The following EML4 variants were observed in gnomAD, a reference collection of about 807,000 sequenced individuals.
The protein encoded by EML4 is echinoderm microtubule-associated protein-like 4.
EML4 carries 72 observed loss-of-function variants against 129.0 expected under a neutral mutation model. The ratio of observed to expected loss-of-function variants is 0.56; its 90% CI spans 0.46 to 0.68. The LOEUF (loss-of-function observed/expected upper bound fraction) is 0.68, where lower values mean the gene tolerates loss of function less well. EML4 is among the 30% of genes least tolerant of loss of function. EML4 has a pLI of 0.00. For synonymous variants in EML4, 532 were observed against 405.0 expected (o/e 1.31, Z -3.77); for missense variants, 1,363 against 1,190.6 (o/e 1.14, Z -2.13).
intron 1 of EML4, among the ~76,000 whole-genome samples, chr2:42,175,217 A>G (rs944370817): frequency 3.3e-5 from 5 of 151,504 alleles, no homozygotes; most frequent in Non-Finnish European, 5.9e-5. Context: ...TGTTCAAGCT[A>G]TTCTCCTGCC....
chr2:42,246,110 G>C (rs1675385960), intron 2 of EML4, among the ~76,000 whole-genome samples: 1 of 152,148 alleles, frequency 6.6e-6, no homozygotes, highest in South Asian at 2.1e-4. Flanking sequence ...TGAACCCTCT[G>C]TGGTTGTTAG....
intron 17 of EML4, among the ~76,000 whole-genome samples, chr2:42,305,882 AG>A (rs35548951): frequency 0.44 from 67,624 of 152,016 alleles, 15,614 homozygotes; most frequent in East Asian, 0.73. Flanking sequence ...AGTCATTTAG[AG>A]GGGGTTTTTT....
intron 6 of EML4, among the ~76,000 whole-genome samples, chr2:42,276,717 A>G (rs1666678865): frequency 6.6e-6 from 1 of 152,226 alleles, no homozygotes; most frequent in South Asian, 2.1e-4. Flanking sequence ...TTATCACTTT[A>G]TGTATTGAGA....
In EML4 at chr2:42,228,239, C is replaced by G. The variant is rs531775059; in HGVS notation, c.26-17266C>G. On this transcript the variant is annotated intron_variant, in intron 1 of 22. Coordinates refer to ENST00000318522, the MANE Select transcript of EML4 (RefSeq NM_019063.5). ...CTGTCTCAAAAAAAAAAAAAGTATA[C>G]ATGGATTTATATACTTGAAAATTGC... Among the ~76,000 whole-genome samples the G allele has an allele frequency of 6.7e-4, 101 of 150,890 alleles. 2 individuals are homozygous for G. In the South Asian group the frequency reaches 0.02, roughly 30 times the overall value.
chr2:42,302,591 T>C (rs1452994701), intron 14 of EML4, among the ~76,000 whole-genome samples: 2 of 151,758 alleles, frequency 1.3e-5, no homozygotes, highest in African/African-American at 2.4e-5. Flanking sequence ...TGGAATACAG[T>C]GGCCCAGTCT....
At chr2:42,316,513 GTTAA>G (rs1669252419) in intron 18 of EML4, among the ~76,000 whole-genome samples, 1 of 152,166 alleles carries the variant, frequency 6.6e-6, no homozygotes, top group Non-Finnish European at 1.5e-5. Context: ...TGATTGGTTT[GTTAA>G]TTAAATACTT....
chr2:42,303,828 G>A (rs1558593867), intron 16 of EML4, among the ~76,000 whole-genome samples: 1 of 152,234 alleles, frequency 6.6e-6, no homozygotes, highest in Non-Finnish European at 1.5e-5. Context: ...GAGAGGCTGA[G>A]GCAGGAGAAT....
chr2:42,313,976 G>A (rs1572743726), intron 17 of EML4, among the ~76,000 whole-genome samples: 1 of 151,712 alleles, frequency 6.6e-6, no homozygotes, highest in Non-Finnish European at 1.5e-5. Context: ...CTTTTTATTG[G>A]CTTACATTAG....
chr2:42,282,728 C>G, intron 7 of EML4, 95 bp from the exon 8 acceptor site: 1 of 1,112,116 alleles, frequency 9.0e-7, no homozygotes, highest in Non-Finnish European at 1.3e-6. Context: ...CAGTCTTCTT[C>G]ATTGTACCTT....
chr2:42,306,459 G>A (rs551333758), intron 17 of EML4, among the ~76,000 whole-genome samples: 5 of 141,434 alleles, frequency 3.5e-5, no homozygotes, highest in Admixed American at 7.2e-5. Context: ...CATTTATTCA[G>A]TGTCTGATGA....
intron 1 of EML4, among the ~76,000 whole-genome samples, chr2:42,200,045 G>C (rs1364042549): frequency 1.3e-5 from 2 of 151,512 alleles, no homozygotes; most frequent in South Asian, 2.1e-4. Flanking sequence ...CGCGGTGGCT[G>C]ACGCTTGTAA....
At chr2:42,261,049 C>T (rs1665701591) in intron 3 of EML4, 72 bp from the exon 4 acceptor site, 2 of 1,148,788 alleles carry the variant, frequency 1.7e-6, no homozygotes, top group East Asian at 4.7e-5. Context: ...ATATAATAAT[C>T]ACTTTTCTAT....
chr2:42,283,076 A>C (rs1667100262), intron 8 of EML4, 104 bp downstream of exon 8: 12 of 1,109,994 alleles, frequency 1.1e-5, no homozygotes, highest in Non-Finnish European at 2.6e-6. Flanking sequence ...GAAAGCTCAG[A>C]ATGTAAAAAT....
chr2:42,287,522 C>A (rs754072472), intron 10 of EML4, among the ~76,000 whole-genome samples: 2 of 152,128 alleles, frequency 1.3e-5, no homozygotes, highest in East Asian at 1.9e-4. Flanking sequence ...CAGTGCCTCT[C>A]ACTCTTCACT....
chr2:42,262,254 A>G (rs746697751), intron 4 of EML4, among the ~76,000 whole-genome samples: 10 of 152,180 alleles, frequency 6.6e-5, no homozygotes, highest in Non-Finnish European at 1.3e-4. Context: ...TGATCGATGC[A>G]TGTTTACCAC....
chr2:42,200,832 A>G (rs1672187626), intron 1 of EML4, among the ~76,000 whole-genome samples: 3 of 152,200 alleles, frequency 2.0e-5, no homozygotes, highest in Admixed American at 2.0e-4. Flanking sequence ...CAAAGGACTG[A>G]AATTTCCAGC....
intron 6 of EML4, among the ~76,000 whole-genome samples, chr2:42,279,022 A>G (rs1366023157): frequency 3.3e-5 from 5 of 152,080 alleles, no homozygotes; most frequent in Non-Finnish European, 5.9e-5. Context: ...ATAAACACCT[A>G]TTGGTTTATG....
intron 11 of EML4, among the ~76,000 whole-genome samples, chr2:42,294,153 A>G (rs572133533): frequency 1.8e-4 from 28 of 152,336 alleles, no homozygotes; most frequent in African/African-American, 6.7e-4. Context: ...GATATCCTCA[A>G]TTGAAATCAT....
intron 17 of EML4, among the ~76,000 whole-genome samples, chr2:42,308,524 C>T (rs145059069): frequency 1.1e-4 from 16 of 152,220 alleles, no homozygotes; most frequent in African/African-American, 3.9e-4. Flanking sequence ...TTAATGCTCA[C>T]ATAGAAAGGA....
Sources: gnomAD v4.1 joint callset for allele counts (sites outside exome capture counted in the v4.1 genomes callset) on GRCh38, gnomAD v4.1.1 for gene constraint, MANE v1.5 for transcripts, NCBI Gene and HGNC (gene_info 2026-07-23, HGNC 2026-07-21) for gene names.